The following STAG1 variants were observed in gnomAD, a reference collection of about 807,000 sequenced individuals.
STAG1 encodes STAG1 cohesin complex component.
A neutral mutation model predicts 170.9 loss-of-function variants in STAG1; 26 were observed. That is an observed-to-expected ratio of 0.15 (90% CI 0.11 to 0.21). STAG1 has a LOEUF of 0.21. STAG1 is among the 10% of genes least tolerant of loss of function. The probability of loss-of-function intolerance (pLI) is 1.00; values close to 1 mark genes in which losing one functional copy is unlikely to be tolerated. For missense variants in STAG1, 964 were observed against 1,509.5 expected (o/e 0.64, Z 5.99); for synonymous variants, 514 against 497.7 (o/e 1.03, Z -0.44).
At chr3:136,660,171 T>C (rs973925736) in intron 1 of STAG1, among the ~76,000 whole-genome samples, 2 of 152,204 alleles carry the variant, frequency 1.3e-5, no homozygotes, top group Non-Finnish European at 2.9e-5. Flanking sequence ...ATCATTCTTT[T>C]GGCAATTCAT....
At chr3:136,409,178 T>A (rs1445733015) in intron 21 of STAG1, among the ~76,000 whole-genome samples, 2 of 151,938 alleles carry the variant, frequency 1.3e-5, no homozygotes, top group Non-Finnish European at 2.9e-5. Context: ...GCAGGAGAAT[T>A]GGTTGAACCT....
intron 7 of STAG1, chr3:136,518,268 C>T: frequency 1.7e-6 from 1 of 603,406 alleles, no homozygotes; most frequent in Non-Finnish European, 3.0e-6. Flanking sequence ...CTCTTCTCAG[C>T]TAAGATTTAA....
At chr3:136,636,245 T>C (rs549861114) in intron 1 of STAG1, among the ~76,000 whole-genome samples, 3 of 149,892 alleles carry the variant, frequency 2.0e-5, no homozygotes, top group South Asian at 2.1e-4. Context: ...AGAAACTCTG[T>C]CTCAAAAAAA....
intron 6 of STAG1, among the ~76,000 whole-genome samples, chr3:136,527,227 C>T (rs1266133605): frequency 6.6e-6 from 1 of 152,230 alleles, no homozygotes; most frequent in Admixed American, 6.5e-5. Context: ...CTTTCAGGTA[C>T]ACCAATCAGA....
intron 16 of STAG1, among the ~76,000 whole-genome samples, chr3:136,431,182 G>GATCACTCCTGC (rs1344350487): frequency 3.9e-5 from 6 of 152,056 alleles, no homozygotes. Context: ...AGGACTGCAG[G>GATCACTCCTGC]AGTGAGCCAC....
At chr3:136,495,970 CAAAAAAAA>C (rs35882097) in intron 9 of STAG1, among the ~76,000 whole-genome samples, 2 of 64,138 alleles carry the variant, frequency 3.1e-5, no homozygotes, top group Non-Finnish European at 5.7e-5. Context: ...GACTCCGTCT[CAAAAAAAA>C]AAAAAAAAAA....
intron 1 of STAG1, among the ~76,000 whole-genome samples, chr3:136,716,842 CACTA>C (rs1336048414): frequency 6.6e-6 from 1 of 152,332 alleles, no homozygotes; most frequent in Admixed American, 6.5e-5. Context: ...ATTAAAGCTG[CACTA>C]ACTAATTGTA....
intron 12 of STAG1, among the ~76,000 whole-genome samples, chr3:136,467,802 A>C (rs1236035640): frequency 1.3e-5 from 2 of 152,196 alleles, no homozygotes; most frequent in Non-Finnish European, 2.9e-5. Context: ...AAATTATAAC[A>C]AACTGTCTCT....
chr3:136,565,227 A>T (rs1231140174), intron 5 of STAG1, among the ~76,000 whole-genome samples: 1 of 152,148 alleles, frequency 6.6e-6, no homozygotes, highest in Non-Finnish European at 1.5e-5. Context: ...ACCAAAAAAC[A>T]TCATTAAGAA....
chr3:136,724,123 C>A (rs1374299250), intron 1 of STAG1, among the ~76,000 whole-genome samples: 2 of 150,844 alleles, frequency 1.3e-5, no homozygotes, highest in East Asian at 3.9e-4. Flanking sequence ...TCATTGAGAA[C>A]GGGCCATGAT....
At chr3:136,422,229 A>G (rs1057223104) in intron 19 of STAG1, among the ~76,000 whole-genome samples, 181 bp downstream of exon 19, 6 of 152,166 alleles carry the variant, frequency 3.9e-5, no homozygotes, top group Non-Finnish European at 8.8e-5. Context: ...TAGAATAAAA[A>G]TAAGGCATAA....
intron 16 of STAG1, among the ~76,000 whole-genome samples, chr3:136,430,414 T>C (rs763555533): frequency 1.3e-5 from 2 of 152,174 alleles, no homozygotes; most frequent in Non-Finnish European, 2.9e-5. Context: ...TAATAAAACA[T>C]AGCAATTTTG....
intron 12 of STAG1, among the ~76,000 whole-genome samples, chr3:136,469,823 T>C (rs1038457280): frequency 3.3e-5 from 5 of 151,912 alleles, no homozygotes; most frequent in African/African-American, 1.2e-4. Flanking sequence ...CCCTCACAAA[T>C]AATATCACAC....
At chr3:136,732,671 G>A (rs1464095865) in intron 1 of STAG1, among the ~76,000 whole-genome samples, 2 of 151,160 alleles carry the variant, frequency 1.3e-5, no homozygotes, top group Non-Finnish European at 3.0e-5. Flanking sequence ...GTGCAGCGGC[G>A]CAATCTCAGC....
chr3:136,740,743 G>A (rs1051394539), intron 1 of STAG1, among the ~76,000 whole-genome samples: 6 of 152,094 alleles, frequency 3.9e-5, no homozygotes, highest in African/African-American at 1.2e-4. Flanking sequence ...GCCTCCAAAA[G>A]GGCTAGGATT....
At chr3:136,556,541 G>A (rs984650261) in intron 5 of STAG1, among the ~76,000 whole-genome samples, 16 of 151,900 alleles carry the variant, frequency 1.1e-4, no homozygotes, top group African/African-American at 2.9e-4. Context: ...TTAAAACTCC[G>A]ACGAGTTTGC....
intron 1 of STAG1, among the ~76,000 whole-genome samples, chr3:136,684,237 A>G (rs1429549821): frequency 1.3e-5 from 2 of 152,222 alleles, no homozygotes; most frequent in African/African-American, 4.8e-5. Flanking sequence ...GAAGTAGTAT[A>G]ACAGAACAAA....
At chr3:136,409,662 C>A (rs1003152544) in intron 21 of STAG1, among the ~76,000 whole-genome samples, 14 of 152,038 alleles carry the variant, frequency 9.2e-5, no homozygotes, top group Non-Finnish European at 8.8e-5. Flanking sequence ...TGAAACTCGC[C>A]CCCTACATTA....
At chr3:136,666,282 C>T (rs914082396) in intron 1 of STAG1, among the ~76,000 whole-genome samples, 12 of 151,860 alleles carry the variant, frequency 7.9e-5, no homozygotes, top group Non-Finnish European at 1.2e-4. Context: ...AAGAAAACAG[C>T]GCTGCCAACA....
Sources: gnomAD v4.1 joint callset for allele counts (sites outside exome capture counted in the v4.1 genomes callset) on GRCh38, gnomAD v4.1.1 for gene constraint, MANE v1.5 for transcripts, NCBI Gene and HGNC (gene_info 2026-07-23, HGNC 2026-07-21) for gene names.